Variants in ADAMTS16 observed in about 807,000 individuals in gnomAD.
ADAMTS16 encodes the protein A disintegrin and metalloproteinase with thrombospondin motifs 16.
In ADAMTS16, 94 loss-of-function variants were observed where a neutral mutation model predicts 145.8. The ratio of observed to expected loss-of-function variants is 0.64; its 90% CI spans 0.55 to 0.77. The LOEUF (loss-of-function observed/expected upper bound fraction) is 0.77, where lower values mean the gene tolerates loss of function less well. ADAMTS16 is among the 30% of genes least tolerant of loss of function. ADAMTS16 has a pLI of 0.00. For missense variants in ADAMTS16, 1,585 were observed against 1,591.5 expected, an observed-to-expected ratio of 1.00 and a Z score of 0.07; for synonymous variants, 659 against 604.3, an observed-to-expected ratio of 1.09 and a Z score of -1.33.
chr5:5,275,608 G>A (rs1018670994), intron 18 of ADAMTS16, among the ~76,000 whole-genome samples: 1 of 152,058 alleles, frequency 6.6e-6, no homozygotes, highest in South Asian at 2.1e-4. Context: ...TGTATTGTTA[G>A]ATAGTTATAG....
chr5:5,235,141 T>A lies in ADAMTS16; in HGVS notation c.1978T>A (p.Phe660Ile). 1 of 1,594,086 alleles carries A rather than the reference T, an allele frequency of 6.3e-7. No individual in the cohort carries two copies. Among genetic ancestry groups the A allele is most frequent in the Non-Finnish European group, 8.6e-7 (1 of 1,163,776 alleles). The change falls in exon 13 of 23, where the codon TTC becomes ATC. Residue 660 changes from phenylalanine (F) to isoleucine (I), a missense_variant. Phe to Ile is a conservative substitution (Grantham distance 21, BLOSUM62 0). Coordinates refer to ENST00000274181, the MANE Select transcript of ADAMTS16 (RefSeq NM_139056.4). ...GTGTGCCGAGCACAACAGCAGACGATTCAGAGGGCGGCACTACAAGTGGAA... is the reference window on the plus strand; with the variant it reads ...GTGTGCCGAGCACAACAGCAGACGAATCAGAGGGCGGCACTACAAGTGGAA... Reference protein sequence around the residue: ...AQCAEHNSRRFRGRHYKWKPY... With the variant: ...AQCAEHNSRRIRGRHYKWKPY...
chr5:5,222,906 C>G, intron 11 of ADAMTS16, 22 bp downstream of exon 11: 1 of 1,605,664 alleles, frequency 6.2e-7, no homozygotes, highest in Non-Finnish European at 8.5e-7. Flanking sequence ...ACTGTAGGTA[C>G]AGCATCGTAT....
chr5:5,201,060 T>G (rs1416262304), intron 9 of ADAMTS16, among the ~76,000 whole-genome samples: 1 of 152,194 alleles, frequency 6.6e-6, no homozygotes, highest in African/African-American at 2.4e-5. Context: ...TACAGTCCAG[T>G]GTGAATTGGA....
intron 3 of ADAMTS16, chr5:5,176,136 G>A (rs79484503): frequency 6.6e-6 from 1 of 152,330 alleles, no homozygotes; most frequent in African/African-American, 2.4e-5. Flanking sequence ...GCAGTCTTGT[G>A]CTGTTCCTCA....
chr5:5,232,576 A>C, intron 12 of ADAMTS16, 60 bp downstream of exon 12: 2 of 1,498,182 alleles, frequency 1.3e-6, no homozygotes, highest in Non-Finnish European at 9.1e-7. Flanking sequence ...TGAACCCTCC[A>C]AGCAGTATGC....
chr5:5,295,835 C>T (rs1200334233), intron 18 of ADAMTS16, among the ~76,000 whole-genome samples: 1 of 152,226 alleles, frequency 6.6e-6, no homozygotes, highest in Non-Finnish European at 1.5e-5. Context: ...GTTATATACC[C>T]AGTGGAAAAC....
chr5:5,195,072 A>G (rs1342983267), intron 8 of ADAMTS16, among the ~76,000 whole-genome samples: 2 of 152,176 alleles, frequency 1.3e-5, no homozygotes, highest in East Asian at 1.9e-4. Context: ...TCAAAATATC[A>G]TGTAGTTTAT....
intron 11 of ADAMTS16, 154 bp downstream of exon 11, chr5:5,223,038 T>C (rs768282750): frequency 1.7e-6 from 1 of 582,092 alleles, no homozygotes; most frequent in Non-Finnish European, 3.0e-6. Flanking sequence ...TTATTTTATA[T>C]TGATAATGTG....
At chr5:5,141,318 T>A (rs1734163677) in intron 2 of ADAMTS16, among the ~76,000 whole-genome samples, 1 of 152,218 alleles carries the variant, frequency 6.6e-6, no homozygotes, top group African/African-American at 2.4e-5. Flanking sequence ...GCTAATCAGC[T>A]GATTGTGACA....
Position 5,179,825 on chromosome 5 carries a change from T to C in ADAMTS16, c.502-2219T>C, listed in dbSNP as rs947478440. On this transcript the variant is annotated intron_variant, in intron 3 of 22. Transcript: ENST00000274181. ...CCCCATGGTGGTGCTGATGGCTTCA[T>C]TGATAGTCTACCAAGCTTACCTTTG... is the stretch of plus-strand genomic sequence containing the variant. 4.6e-5 allele frequency among the ~76,000 whole-genome samples: 7 copies of C among 152,176 alleles called. No individual in the cohort carries two copies. The South Asian group carries it at 6.2e-4, about 14-fold the overall frequency.
At chr5:5,220,466 A>G (rs1736570931) in intron 10 of ADAMTS16, among the ~76,000 whole-genome samples, 1 of 152,054 alleles carries the variant, frequency 6.6e-6, no homozygotes, top group African/African-American at 2.4e-5. Flanking sequence ...CCAATAATTT[A>G]ACATTTTAAA....
At chr5:5,238,127 G>A (rs1737169948) in intron 14 of ADAMTS16, among the ~76,000 whole-genome samples, 1 of 152,014 alleles carries the variant, frequency 6.6e-6, no homozygotes, top group South Asian at 2.1e-4. Flanking sequence ...CTCTTTCATT[G>A]TACCTCAGCT....
At chr5:5,311,435 A>G (rs1290412032) in intron 21 of ADAMTS16, among the ~76,000 whole-genome samples, 1 of 152,196 alleles carries the variant, frequency 6.6e-6, no homozygotes, top group African/African-American at 2.4e-5. Flanking sequence ...CTAAAATTTA[A>G]CTAAAATAAA....
chr5:5,272,607 C>T (rs1384788719), intron 18 of ADAMTS16, among the ~76,000 whole-genome samples: 1 of 151,950 alleles, frequency 6.6e-6, no homozygotes, highest in Non-Finnish European at 1.5e-5. Flanking sequence ...CCTGGTGATC[C>T]GCCTGCCTCG....
chr5:5,182,701 C>T (rs1735374926), intron 4 of ADAMTS16, among the ~76,000 whole-genome samples: 1 of 152,114 alleles, frequency 6.6e-6, no homozygotes, highest in Admixed American at 6.5e-5. Context: ...TATATGCATG[C>T]TTATATACAT....
intron 18 of ADAMTS16, among the ~76,000 whole-genome samples, chr5:5,267,162 T>C (rs556802943): frequency 6.6e-6 from 1 of 152,240 alleles, no homozygotes; most frequent in African/African-American, 2.4e-5. Flanking sequence ...AGCGGGCAGA[T>C]GGGCAGGTTG....
At chr5:5,141,681 G>T (rs1734172812) in intron 2 of ADAMTS16, among the ~76,000 whole-genome samples, 1 of 152,144 alleles carries the variant, frequency 6.6e-6, no homozygotes, top group Non-Finnish European at 1.5e-5. Flanking sequence ...GAAAATTAAA[G>T]TTAACAATTC....
intron 17 of ADAMTS16, among the ~76,000 whole-genome samples, chr5:5,252,558 C>T (rs745528993): frequency 6.6e-6 from 1 of 152,000 alleles, no homozygotes; most frequent in Admixed American, 6.6e-5. Context: ...GGATCATTAG[C>T]GGACCGCCCC....
In ADAMTS16 at chr5:5,232,510, A is replaced by G. The variant is rs747600271; in HGVS notation, c.1844A>G (p.Asn615Ser). 16 of 1,611,880 alleles carry G rather than the reference A, an allele frequency of 9.9e-6. No homozygotes were observed. The highest frequency in any genetic ancestry group is 1.4e-5 in the Non-Finnish European group (16 of 1,179,592). ...TCTCATAGGAGTCGCCTCTGCACCA[A>G]CCCCAAGTAAGTATGCCTTGACCTC... Reference protein sequence around the residue: ...GVSHRSRLCTNPKPSHGGKFC... With the variant: ...GVSHRSRLCTSPKPSHGGKFC... The change falls in exon 12 of 23, where the codon AAC becomes AGC. Residue 615 changes from asparagine to serine, a missense_variant. Transcript: ENST00000274181.
Sources: gnomAD v4.1 joint callset for allele counts (sites outside exome capture counted in the v4.1 genomes callset) on GRCh38, gnomAD v4.1.1 for gene constraint, MANE v1.5 for transcripts, NCBI Gene and HGNC (gene_info 2026-07-23, HGNC 2026-07-21) for gene names.